The following MNAT1 variants were observed in gnomAD, a reference collection of about 807,000 sequenced individuals.
MNAT1 encodes the protein CDK-activating kinase assembly factor MAT1.
In MNAT1, 43 loss-of-function variants were observed where a neutral mutation model predicts 42.0. That is an observed-to-expected ratio of 1.02 (90% confidence interval 0.80 to 1.32). The LOEUF is 1.32. MNAT1 is among the 40% of genes most tolerant of loss of function. The pLI, the probability that MNAT1 is intolerant of heterozygous loss-of-function variation, is 0.00. For missense variants in MNAT1, 306 were observed against 350.4 expected, an observed-to-expected ratio of 0.87 and a Z score of 1.01; for synonymous variants, 118 against 120.0, an observed-to-expected ratio of 0.98 and a Z score of 0.11.
At chr14:60,886,622 CTG>C (rs1482831008) in intron 7 of MNAT1, among the ~76,000 whole-genome samples, 1 of 147,756 alleles carries the variant, frequency 6.8e-6, no homozygotes, top group East Asian at 2.0e-4. Flanking sequence ...TTTTGCATGT[CTG>C]TTTTGATTAC....
chr14:60,874,562 TTCTG>T (rs1267209497), intron 6 of MNAT1, among the ~76,000 whole-genome samples: 1 of 152,094 alleles, frequency 6.6e-6, no homozygotes, highest in Non-Finnish European at 1.5e-5. Context: ...TTTTTTTCTG[TTCTG>T]TCTTTTTCAT....
At chr14:60,876,879 C>G (rs953730556) in intron 6 of MNAT1, among the ~76,000 whole-genome samples, 31 of 152,018 alleles carry the variant, frequency 2.0e-4, no homozygotes, top group Admixed American at 6.6e-5. Context: ...GAAAATAATG[C>G]TGCTGTAAAT....
At chr14:60,827,406 G>A (rs1373271657) in intron 6 of MNAT1, among the ~76,000 whole-genome samples, 1 of 152,110 alleles carries the variant, frequency 6.6e-6, no homozygotes, top group Non-Finnish European at 1.5e-5. Context: ...TTAGCTGTTC[G>A]CTTTCAAGCA....
intron 1 of MNAT1, among the ~76,000 whole-genome samples, chr14:60,755,217 C>T (rs976316541): frequency 6.6e-6 from 1 of 151,972 alleles, no homozygotes; most frequent in Non-Finnish European, 1.5e-5. Context: ...GATCTCAGCT[C>T]ACTGCAACCT....
At position 60,808,177 on chromosome 14, in the gene MNAT1, T is replaced by TA. The variant is rs2032436651; in HGVS notation, c.317-144dup. On this transcript the variant is annotated intron_variant, in intron 3 of 7. Transcript: ENST00000261245. Reference sequence around the variant, plus strand: ...GTTTGCCGTAACTAGAGCTAGTCTCTAAAATAGGTAGCTGATTAAAAGGTC... The same window carrying TA: ...GTTTGCCGTAACTAGAGCTAGTCTCTAAAAATAGGTAGCTGATTAAAAGGTC... The TA allele has an allele frequency of 1.8e-5, 9 of 505,500 alleles. No individual in the cohort carries two copies. In the South Asian group the frequency reaches 2.6e-4, roughly 15 times the overall value. The allele number at this position is 505,500 out of a possible 1,614,324, so 31.3% of individuals were successfully genotyped here.
At chr14:60,967,995 C>T (rs191885911) in intron 7 of MNAT1, among the ~76,000 whole-genome samples, 1 of 152,318 alleles carries the variant, frequency 6.6e-6, no homozygotes, top group Non-Finnish European at 1.5e-5. Flanking sequence ...TCTTTCAGAA[C>T]TGTTTTTAGA....
rs1198224309 is a variant in MNAT1 at position 60,969,306 on chromosome 14, TTTC to T, written c.*960_*962del. On this transcript the variant is annotated 3_prime_UTR_variant, in exon 8 of 8. Transcript: ENST00000261245. ...ATAGAGCATTGGATATGGGATATAG[TTTC>T]TTAAGGAAATTAAGGGATTTCCTAT... 6.6e-6 allele frequency: 1 copy of T among 152,156 alleles called. No homozygotes were observed. Among genetic ancestry groups the T allele is most frequent in the Non-Finnish European group, 1.5e-5 (1 of 68,000 alleles). 9.4% of individuals were successfully genotyped at this position (152,156 alleles called of 1,614,324 possible).
intron 7 of MNAT1, among the ~76,000 whole-genome samples, chr14:60,901,669 C>G (rs2035074954): frequency 6.6e-6 from 1 of 152,108 alleles, no homozygotes; most frequent in African/African-American, 2.4e-5. Context: ...TAATTCCAAC[C>G]CCATGTTTGA....
At chr14:60,897,134 G>A (rs889297913) in intron 7 of MNAT1, among the ~76,000 whole-genome samples, 2 of 152,002 alleles carry the variant, frequency 1.3e-5, no homozygotes, top group Admixed American at 6.6e-5. Flanking sequence ...GTAAATTTCT[G>A]TATTACTCAA....
intron 7 of MNAT1, among the ~76,000 whole-genome samples, chr14:60,965,259 C>T (rs1251234673): frequency 2.0e-5 from 3 of 152,188 alleles, no homozygotes; most frequent in Non-Finnish European, 1.5e-5. Flanking sequence ...TTGCTCATTA[C>T]TCTGGATTAT....
At chr14:60,917,715 C>T (rs781414598) in intron 7 of MNAT1, among the ~76,000 whole-genome samples, 8 of 151,550 alleles carry the variant, frequency 5.3e-5, no homozygotes, top group Admixed American at 1.3e-4. Flanking sequence ...CTCCACCTCC[C>T]GGGTTCAAGT....
intron 1 of MNAT1, chr14:60,780,362 C>G: frequency 6.3e-7 from 1 of 1,579,024 alleles, no homozygotes; most frequent in Non-Finnish European, 8.7e-7. Context: ...GGATGAAATC[C>G]GTTCAGTCAT....
chr14:60,750,585 T>C (rs1029728842), intron 1 of MNAT1, among the ~76,000 whole-genome samples: 4 of 150,726 alleles, frequency 2.7e-5, no homozygotes, highest in Non-Finnish European at 5.9e-5. Context: ...TTTATAGTTA[T>C]AGAAATATTC....
chr14:60,788,142 C>T (rs528408752), intron 1 of MNAT1, among the ~76,000 whole-genome samples: 7 of 152,204 alleles, frequency 4.6e-5, no homozygotes, highest in Non-Finnish European at 1.0e-4. Flanking sequence ...CTCCTTGACC[C>T]ATGGGCTTTT....
intron 6 of MNAT1, among the ~76,000 whole-genome samples, chr14:60,847,677 T>C (rs2033715524): frequency 6.6e-6 from 1 of 152,138 alleles, no homozygotes; most frequent in African/African-American, 2.4e-5. Context: ...AAATAGATAT[T>C]TTCTTGTGCA....
chr14:60,898,210 A>G (rs916935691), intron 7 of MNAT1, among the ~76,000 whole-genome samples: 1 of 150,966 alleles, frequency 6.6e-6, no homozygotes, highest in Non-Finnish European at 1.5e-5. Context: ...AGTTTTTGCT[A>G]TTGTGAATGG....
chr14:60,956,664 A>C (rs1280583037), intron 7 of MNAT1, among the ~76,000 whole-genome samples: 1 of 152,076 alleles, frequency 6.6e-6, no homozygotes, highest in Non-Finnish European at 1.5e-5. Flanking sequence ...TATTTGCTTT[A>C]TGTGTTTAGG....
At chr14:60,920,852 AAC>A (rs2035643573) in intron 7 of MNAT1, among the ~76,000 whole-genome samples, 1 of 152,194 alleles carries the variant, frequency 6.6e-6, no homozygotes, top group South Asian at 2.1e-4. Context: ...TAAAAGGAAA[AAC>A]AATCAGGAGA....
At chr14:60,801,703 G>A (rs12889328) in intron 3 of MNAT1, among the ~76,000 whole-genome samples, 32,696 of 152,116 alleles carry the variant, frequency 0.21, 4,324 homozygotes, top group East Asian at 0.42. Flanking sequence ...ATGGAGAAAA[G>A]GGAATCCTTG....
Sources: gnomAD v4.1 joint callset for allele counts (sites outside exome capture counted in the v4.1 genomes callset) on GRCh38, gnomAD v4.1.1 for gene constraint, MANE v1.5 for transcripts, NCBI Gene and HGNC (gene_info 2026-07-23, HGNC 2026-07-21) for gene names.